The following KIF26B variants were observed in gnomAD, a reference collection of about 807,000 sequenced individuals.
KIF26B encodes the protein kinesin family member 26B.
Under a neutral mutation model 151.2 loss-of-function variants are expected in KIF26B, and 63 were observed. The observed-to-expected ratio is 0.42, with a 90% CI of 0.34 to 0.51. The LOEUF (loss-of-function observed/expected upper bound fraction) is 0.51, where lower values mean the gene tolerates loss of function less well. Ranked by LOEUF, KIF26B falls within the 20% of genes least tolerant of loss-of-function variation. The pLI is 0.07. For missense variants in KIF26B, 2,813 were observed against 2,913.6 expected (o/e 0.97, Z 0.79); for synonymous variants, 1,357 against 1,262.1 (o/e 1.08, Z -1.59).
intron 2 of KIF26B, among the ~76,000 whole-genome samples, chr1:245,346,668 A>C (rs1362347170): frequency 6.6e-6 from 1 of 151,900 alleles, no homozygotes; most frequent in Non-Finnish European, 1.5e-5. Context: ...TCAGCCCCCC[A>C]TTTCCGTAAC....
intron 3 of KIF26B, among the ~76,000 whole-genome samples, chr1:245,394,645 A>G (rs1673779671): frequency 2.0e-5 from 3 of 151,908 alleles, no homozygotes; most frequent in Non-Finnish European, 4.4e-5. Context: ...ATAAAAATAT[A>G]AAAATATAAA....
rs139664360 is a variant in KIF26B, at chr1:245,375,797, A to G, written c.999+8430A>G. Among the ~76,000 whole-genome samples, 909 of 152,252 alleles carry G rather than the reference A, an allele frequency of 6.0e-3. 2 individuals carry two copies. The highest frequency in any genetic ancestry group is 0.01 in the Non-Finnish European group (694 of 68,012). On this transcript the variant is annotated intron_variant, in intron 3 of 14. Coordinates refer to ENST00000407071, the MANE Select transcript of KIF26B (RefSeq NM_018012.4). The surrounding 1 kb of genome is among the most constrained non-coding windows in gnomAD (Gnocchi z 4.2). ...CTACAGACCAAGGAGTCCCTGCAGAAACCTGCAGGACAGCAAGAACGTGGG... is the reference window on the plus strand; with the variant it reads ...CTACAGACCAAGGAGTCCCTGCAGAGACCTGCAGGACAGCAAGAACGTGGG...
At chr1:245,189,587 G>A (rs567472186) in intron 2 of KIF26B, among the ~76,000 whole-genome samples, 2 of 152,108 alleles carry the variant, frequency 1.3e-5, no homozygotes, top group Non-Finnish European at 2.9e-5. Context: ...CTAGATGTCC[G>A]CTGAGAGTTT....
chr1:245,280,530 C>CAAA (rs1170207967), intron 2 of KIF26B, among the ~76,000 whole-genome samples: 9 of 79,624 alleles, frequency 1.1e-4, no homozygotes, highest in Non-Finnish European at 1.7e-4. Flanking sequence ...GACTCTGTCT[C>CAAA]AAAAAAAAAA....
In KIF26B at chr1:245,241,343, AG is replaced by A. The variant is rs1670207651; in HGVS notation, c.465+84662del. 1.3e-5 allele frequency among the ~76,000 whole-genome samples: 2 copies of A among 152,104 alleles called. No homozygotes were observed. The highest frequency in any genetic ancestry group is 2.9e-5 in the Non-Finnish European group (2 of 68,024). ...TTTAGATCCTCATTTGGCCAGAGGG[AG>A]GCAGCTGGATCGGCTTCTCCAGAGC... On this transcript the variant is annotated intron_variant, in intron 2 of 14. Transcript: ENST00000407071. This position sits in a 1 kb window ranked among gnomAD's most constrained non-coding sequence, Gnocchi z 5.0.
At chr1:245,550,561 C>T (rs1302523887) in intron 5 of KIF26B, among the ~76,000 whole-genome samples, 1 of 152,240 alleles carries the variant, frequency 6.6e-6, no homozygotes, top group African/African-American at 2.4e-5. Flanking sequence ...CCCACCGGCG[C>T]AGTGGTTAGG....
At chr1:245,538,828 C>A (rs1661540159) in intron 4 of KIF26B, among the ~76,000 whole-genome samples, 1 of 152,114 alleles carries the variant, frequency 6.6e-6, no homozygotes, top group Non-Finnish European at 1.5e-5. Flanking sequence ...GGAGGGATCG[C>A]TGAGCAGAGG....
At chr1:245,693,038 C>G (rs1257241320) in intron 12 of KIF26B, among the ~76,000 whole-genome samples, 3 of 152,218 alleles carry the variant, frequency 2.0e-5, no homozygotes, top group Non-Finnish European at 4.4e-5. Context: ...GCTCCCCCGT[C>G]CCCTATCATC....
At chr1:245,460,239 T>A (rs995092625) in intron 4 of KIF26B, among the ~76,000 whole-genome samples, 5 of 152,186 alleles carry the variant, frequency 3.3e-5, no homozygotes, top group Non-Finnish European at 7.3e-5. Context: ...GTGCTGGGAT[T>A]ACAGGCGTGA....
intron 5 of KIF26B, among the ~76,000 whole-genome samples, chr1:245,544,407 G>C (rs1661692639): frequency 6.6e-6 from 1 of 152,146 alleles, no homozygotes. Context: ...TGGCCCTGAA[G>C]GTGAGAGTGT....
chr1:245,575,203 G>A (rs557446372), intron 5 of KIF26B, among the ~76,000 whole-genome samples: 36 of 151,606 alleles, frequency 2.4e-4, no homozygotes, highest in African/African-American at 6.8e-4. Context: ...GGCTGGGGGC[G>A]GTGGCTCACG....
chr1:245,439,896 G>T lies in KIF26B; in HGVS notation c.1166+20151G>T, dbSNP rs114235325. ...AGGTACCACCTTACCCTTGGGCAAA[G>T]TGAACACTTCTTTCAACCTAGAAGT... On this transcript the variant is annotated intron_variant, in intron 4 of 14. Transcript: ENST00000407071. Among the ~76,000 whole-genome samples, 518 of 152,298 alleles carry T rather than the reference G, an allele frequency of 3.4e-3. 1 individual carries two copies. Among genetic ancestry groups the T allele is most frequent in the African/African-American group, 0.012 (485 of 41,548 alleles).
intron 3 of KIF26B, among the ~76,000 whole-genome samples, chr1:245,396,414 T>A (rs1314063412): frequency 6.6e-6 from 1 of 152,196 alleles, no homozygotes; most frequent in African/African-American, 2.4e-5. Flanking sequence ...CAAAACTGTG[T>A]CTTAATCATA....
intron 2 of KIF26B, among the ~76,000 whole-genome samples, chr1:245,287,963 A>T (rs1225929439): frequency 4.0e-5 from 6 of 151,396 alleles, no homozygotes; most frequent in African/African-American, 1.5e-4. Flanking sequence ...GTACTCCAAG[A>T]GTACTATGAT....
chr1:245,421,216 C>T (rs1228226145), intron 4 of KIF26B, among the ~76,000 whole-genome samples: 1 of 152,126 alleles, frequency 6.6e-6, no homozygotes, highest in Non-Finnish European at 1.5e-5. Flanking sequence ...GGAAATGTCA[C>T]AAGCACAGAA....
intron 2 of KIF26B, among the ~76,000 whole-genome samples, chr1:245,251,515 G>A (rs1030831620): frequency 1.3e-5 from 2 of 152,062 alleles, no homozygotes; most frequent in Non-Finnish European, 1.5e-5. Context: ...ATTCATAAAG[G>A]TAGCTCCTTA....
At chr1:245,509,966 G>A (rs1025517511) in intron 4 of KIF26B, among the ~76,000 whole-genome samples, 8 of 152,178 alleles carry the variant, frequency 5.3e-5, no homozygotes, top group African/African-American at 9.7e-5. Context: ...TCCATGCCAC[G>A]CCCTCCCTTG....
At position 245,156,291 on chromosome 1, in the gene KIF26B, G is replaced by A. The variant is rs1401964895; in HGVS notation, c.73G>A (p.Val25Ile). 3 of 1,547,056 alleles carry A rather than the reference G, an allele frequency of 1.9e-6. No individual in the cohort carries two copies. Among genetic ancestry groups the A allele is most frequent in the East Asian group, 2.5e-5 (1 of 40,602 alleles). ...TRGKKYGVNE[V>I]CSPTKPAAPF... is the part of the protein sequence containing the mutation. ...CGTGTCTTCCCCGCAGGTGAATGAA[G>A]TCTGCTCGCCCACCAAGCCCGCAGC... is the stretch of plus-strand genomic sequence containing the variant. Residue 25 changes from valine to isoleucine, a missense_variant, in exon 2 of 15, where the codon GTC becomes ATC. Around this residue, in one of 3 missense-constraint regions of KIF26B, gnomAD observed 676 missense variants for 688.1 expected, o/e 0.98. Coordinates refer to ENST00000407071, the MANE Select transcript of KIF26B (RefSeq NM_018012.4).
chr1:245,405,431 G>A (rs1674112588), intron 3 of KIF26B, among the ~76,000 whole-genome samples: 1 of 152,192 alleles, frequency 6.6e-6, no homozygotes, highest in Non-Finnish European at 1.5e-5. Context: ...AGTGTTTTTA[G>A]TTAATATTCC....
Sources: allele counts gnomAD v4.1 joint callset (sites outside exome capture counted in the v4.1 genomes callset), GRCh38; gene constraint gnomAD v4.1.1; regional missense constraint gnomAD v4.1.1; non-coding constraint Gnocchi (gnomAD v3.1); transcripts MANE v1.5; gene names NCBI Gene and HGNC (gene_info 2026-07-23, HGNC 2026-07-21).